GABRG3: variants seen among roughly 807,000 people sequenced by gnomAD.
The protein encoded by GABRG3 is gamma-aminobutyric acid type A receptor subunit gamma3, also known as gamma-aminobutyric acid receptor subunit gamma-3.
A neutral mutation model predicts 48.8 loss-of-function variants in GABRG3; 25 were observed. That is an observed-to-expected ratio of 0.51 (90% confidence interval 0.37 to 0.72). The LOEUF (loss-of-function observed/expected upper bound fraction) is 0.72. GABRG3 is among the 30% of genes least tolerant of loss of function. The probability of loss-of-function intolerance (pLI) is 0.00; values close to 1 mark genes in which losing one functional copy is unlikely to be tolerated. For synonymous variants in GABRG3, 227 were observed against 217.6 expected, an observed-to-expected ratio of 1.04 and a Z score of -0.38; for missense variants, 394 against 577.9, an observed-to-expected ratio of 0.68 and a Z score of 3.26.
chr15:27,059,472 T>C (rs912819238), intron 3 of GABRG3, among the ~76,000 whole-genome samples: 1 of 152,238 alleles, frequency 6.6e-6, no homozygotes, highest in African/African-American at 2.4e-5. Flanking sequence ...AATTTCAAAG[T>C]TTCTATTGAT....
Position 27,535,456 on chromosome 15 carries a change from A to G in GABRG3, c.*2575A>G, listed in dbSNP as rs1891527073. 1 of 152,234 alleles carries G rather than the reference A, an allele frequency of 6.6e-6. No individual in the cohort carries two copies. The highest frequency in any genetic ancestry group is 1.9e-4 in the East Asian group (1 of 5,192). 9.4% of individuals were successfully genotyped at this position (152,234 alleles called of 1,614,324 possible). On this transcript the variant is annotated 3_prime_UTR_variant, in exon 10 of 10. Transcript: ENST00000615808. Reference sequence around the variant, plus strand: ...TAACCTCAGTTTTCTGAATCCAGCCATTCTCTTCTTCCCAACCTCAGCAGC... The same window carrying G: ...TAACCTCAGTTTTCTGAATCCAGCCGTTCTCTTCTTCCCAACCTCAGCAGC...
intron 5 of GABRG3, among the ~76,000 whole-genome samples, chr15:27,379,292 C>T (rs550611909): frequency 7.9e-5 from 12 of 152,308 alleles, no homozygotes; most frequent in Non-Finnish European, 1.3e-4. Flanking sequence ...AATCCACTTT[C>T]AAATAACACT....
In GABRG3 at chr15:27,202,000, A is replaced by C; in HGVS notation, c.271-124809A>C. 1.3e-5 allele frequency among the ~76,000 whole-genome samples: 2 copies of C among 152,160 alleles called. 1 individual carries two copies. The highest frequency in any genetic ancestry group is 2.9e-5 in the Non-Finnish European group (2 of 68,034). On this transcript the variant is annotated intron_variant, in intron 3 of 9. Coordinates refer to ENST00000615808, the MANE Select transcript of GABRG3 (RefSeq NM_033223.5). The stretch of plus-strand genomic sequence containing the variant: ...TAAAAGAGCAAAAATGTAAACACAA[A>C]TACCATCATACAAGTATATTCAGCA...
intron 3 of GABRG3, among the ~76,000 whole-genome samples, chr15:27,065,463 A>G (rs2140727914): frequency 6.6e-6 from 1 of 152,312 alleles, no homozygotes; most frequent in South Asian, 2.1e-4. Flanking sequence ...GTGAGGACAC[A>G]GCAGCCCAAT....
At chr15:27,253,810 G>A (rs1890533019) in intron 3 of GABRG3, among the ~76,000 whole-genome samples, 1 of 152,218 alleles carries the variant, frequency 6.6e-6, no homozygotes, top group Admixed American at 6.5e-5. Flanking sequence ...GGAATGGGAA[G>A]GAATAATTTC....
chr15:27,365,479 G>T (rs900204080), intron 5 of GABRG3: 1 of 152,086 alleles, frequency 6.6e-6, no homozygotes, highest in African/African-American at 2.4e-5. Context: ...CTGACATTTC[G>T]TAGTGGGCAC....
At chr15:27,195,272 T>C (rs1472726733) in intron 3 of GABRG3, among the ~76,000 whole-genome samples, 1 of 152,176 alleles carries the variant, frequency 6.6e-6, no homozygotes, top group African/African-American at 2.4e-5. Context: ...TCTTGTGACT[T>C]TCTGGTTCTG....
intron 2 of GABRG3, among the ~76,000 whole-genome samples, chr15:27,024,038 T>G (rs1263760174): frequency 6.6e-6 from 1 of 152,202 alleles, no homozygotes; most frequent in East Asian, 1.9e-4. Flanking sequence ...GAGTGTTATT[T>G]TGTGGTTTTG....
chr15:27,211,404 G>A (rs1475998175), intron 3 of GABRG3, among the ~76,000 whole-genome samples: 22 of 152,210 alleles, frequency 1.4e-4, no homozygotes, highest in Admixed American at 1.4e-3. Context: ...AATCCGTGAA[G>A]CGTGGAGCCG....
intron 9 of GABRG3, 25 bp from the exon 10 acceptor site, chr15:27,532,575 G>T: frequency 6.2e-7 from 1 of 1,608,686 alleles, no homozygotes; most frequent in South Asian, 1.1e-5. Flanking sequence ...TACAATGGTT[G>T]TTGTGTCATT....
intron 5 of GABRG3, among the ~76,000 whole-genome samples, chr15:27,396,093 C>T (rs952800102): frequency 1.3e-5 from 2 of 152,128 alleles, no homozygotes; most frequent in Non-Finnish European, 2.9e-5. Context: ...GAACCCCTGG[C>T]CCTCAAGCAA....
chr15:27,174,565 G>A (rs1309252328), intron 3 of GABRG3, among the ~76,000 whole-genome samples: 1 of 147,590 alleles, frequency 6.8e-6, no homozygotes, highest in Admixed American at 6.7e-5. Flanking sequence ...GTGTGGACCA[G>A]TGACTGCCTC....
At chr15:27,494,288 T>G (rs148220713) in intron 6 of GABRG3, among the ~76,000 whole-genome samples, 277 of 152,222 alleles carry the variant, frequency 1.8e-3, no homozygotes, top group Non-Finnish European at 3.2e-3. Context: ...ATTGTATCAA[T>G]TTGATGATAT....
Position 27,380,805 on chromosome 15 carries a change from G to A in GABRG3, c.574+51917G>A, listed in dbSNP as rs374194933. ...TTGAGACAGCGAGTCTCACTCTGTT[G>A]CCCAGGCTGGAGTGCAGTGGCGTAA... On this transcript the variant is annotated intron_variant, in intron 5 of 9. Coordinates refer to ENST00000615808, the MANE Select transcript of GABRG3 (RefSeq NM_033223.5). 1.1e-4 allele frequency among the ~76,000 whole-genome samples: 16 copies of A among 140,850 alleles called. No homozygotes were observed. The East Asian group carries it at 2.4e-3, about 21-fold the overall frequency. The allele number at this position is 140,850 out of a possible 152,430, so 92.4% of individuals were successfully genotyped here. A position where few individuals can be genotyped will look rare whatever the true frequency, so the allele number is the denominator to read the frequency against.
Position 27,018,945 on chromosome 15 carries a change from G to A in GABRG3, c.203-7809G>A, listed in dbSNP as rs1895828239. 2.0e-5 allele frequency among the ~76,000 whole-genome samples: 3 copies of A among 151,306 alleles called. No homozygotes were observed. The South Asian group carries it at 6.3e-4, about 32-fold the overall frequency. ...GGATAGGTTTAATATAATCCTCAGAGACAGGGAATTTGTGTTTAAAAAATT... is the reference window on the plus strand; with the variant it reads ...GGATAGGTTTAATATAATCCTCAGAAACAGGGAATTTGTGTTTAAAAAATT... On this transcript the variant is annotated intron_variant, in intron 2 of 9. Transcript: ENST00000615808.
chr15:27,248,803 C>CACACAGAGAGAGAGAGAGAG (rs1377080195), intron 3 of GABRG3, among the ~76,000 whole-genome samples: 12 of 110,238 alleles, frequency 1.1e-4, no homozygotes, highest in African/African-American at 4.3e-4. Flanking sequence ...CACACACACA[C>CACACAGAGAGAGAGAGAGAG]AGAGAGAGAG....
chr15:27,347,158 G>T (rs553595638), intron 5 of GABRG3, among the ~76,000 whole-genome samples: 1 of 152,228 alleles, frequency 6.6e-6, no homozygotes, highest in East Asian at 1.9e-4. Flanking sequence ...GCATCCTTGT[G>T]TTTTTCTCTT....
chr15:27,282,218 G>A (rs1283582449), intron 3 of GABRG3, among the ~76,000 whole-genome samples: 2 of 152,174 alleles, frequency 1.3e-5, no homozygotes, highest in Non-Finnish European at 2.9e-5. Context: ...GGGTTAGCCT[G>A]TTTGGGGTTT....
chr15:27,366,869 G>T (rs2140552053), intron 5 of GABRG3, among the ~76,000 whole-genome samples: 1 of 152,220 alleles, frequency 6.6e-6, no homozygotes, highest in Non-Finnish European at 1.5e-5. Flanking sequence ...CACTGTTTCT[G>T]TGCATCCCTC....
Sources: allele counts gnomAD v4.1 joint callset (sites outside exome capture counted in the v4.1 genomes callset), GRCh38; gene constraint gnomAD v4.1.1; transcripts MANE v1.5; gene names NCBI Gene and HGNC (gene_info 2026-07-23, HGNC 2026-07-21).